The following TPD52L1 variants were observed in gnomAD, a reference collection of about 807,000 sequenced individuals.
TPD52L1 encodes TPD52 like 1, also known as tumor protein D53.
Under a neutral mutation model 28.7 loss-of-function variants are expected in TPD52L1, and 18 were observed. The ratio of observed to expected loss-of-function variants is 0.63; its 90% CI spans 0.43 to 0.93. TPD52L1 has a LOEUF of 0.93. Ranked by LOEUF, TPD52L1 falls within the 40% of genes least tolerant of loss-of-function variation. The probability of loss-of-function intolerance (pLI) is 0.00; values close to 1 mark genes in which losing one functional copy is unlikely to be tolerated. For missense variants in TPD52L1, 203 were observed against 254.8 expected (o/e 0.80, Z 1.39); for synonymous variants, 75 against 88.8 (o/e 0.84, Z 0.88).
At chr6:125,247,010 C>A (rs886370132) in intron 3 of TPD52L1, among the ~76,000 whole-genome samples, 1 of 151,862 alleles carries the variant, frequency 6.6e-6, no homozygotes, top group Non-Finnish European at 1.5e-5. Flanking sequence ...AAAAAGAATA[C>A]CACATTAATA....
chr6:125,168,943 A>G (rs1791095690), intron 1 of TPD52L1, among the ~76,000 whole-genome samples: 1 of 152,168 alleles, frequency 6.6e-6, no homozygotes, highest in Non-Finnish European at 1.5e-5. Flanking sequence ...TTAGAGTTGG[A>G]AAAAGAGAAA....
At chr6:125,161,917 C>T (rs1790544733) in intron 1 of TPD52L1, among the ~76,000 whole-genome samples, 1 of 152,116 alleles carries the variant, frequency 6.6e-6, no homozygotes, top group Admixed American at 6.6e-5. Context: ...TTGCCACAAA[C>T]CTTCAATTTG....
chr6:125,155,121 T>C (rs1396906890), intron 1 of TPD52L1, among the ~76,000 whole-genome samples: 1 of 152,188 alleles, frequency 6.6e-6, no homozygotes, highest in Non-Finnish European at 1.5e-5. Context: ...CCCGTAAAGC[T>C]GCCGCTTCCC....
At chr6:125,184,854 G>GA (rs1334850978) in intron 1 of TPD52L1, among the ~76,000 whole-genome samples, 5 of 151,278 alleles carry the variant, frequency 3.3e-5, no homozygotes, top group South Asian at 2.1e-4. Flanking sequence ...AAAAAAAAAT[G>GA]AAAAAAAATC....
chr6:125,178,745 G>A (rs1302357967), intron 1 of TPD52L1, among the ~76,000 whole-genome samples: 1 of 152,102 alleles, frequency 6.6e-6, no homozygotes, highest in Non-Finnish European at 1.5e-5. Flanking sequence ...TGGAATGGTG[G>A]TTGCAGATGA....
chr6:125,260,591 G>A (rs895622307), intron 6 of TPD52L1, among the ~76,000 whole-genome samples: 7 of 152,062 alleles, frequency 4.6e-5, no homozygotes, highest in Admixed American at 2.6e-4. Flanking sequence ...GATCACTAGA[G>A]GTCAAGAGTT....
intron 1 of TPD52L1, among the ~76,000 whole-genome samples, chr6:125,156,192 A>C (rs1790102922): frequency 6.6e-6 from 1 of 152,192 alleles, no homozygotes; most frequent in African/African-American, 2.4e-5. Flanking sequence ...GGCCAGGTGC[A>C]GTGGCTTACA....
At chr6:125,252,171 C>A in intron 4 of TPD52L1, 1 of 967,160 alleles carries the variant, frequency 1.0e-6, no homozygotes, top group Non-Finnish European at 1.5e-6. Context: ...GTTCCCGTGA[C>A]CAGGAAGATA....
chr6:125,170,664 C>A (rs2114775127), intron 1 of TPD52L1, among the ~76,000 whole-genome samples: 1 of 152,226 alleles, frequency 6.6e-6, no homozygotes, highest in African/African-American at 2.4e-5. Context: ...TGTCTTTTGT[C>A]TATGACCCAG....
chr6:125,225,400 C>T (rs1039231337), intron 2 of TPD52L1, among the ~76,000 whole-genome samples: 4 of 152,134 alleles, frequency 2.6e-5, no homozygotes, highest in African/African-American at 9.7e-5. Flanking sequence ...GAAATTAATT[C>T]TGTGTTTAAC....
intron 3 of TPD52L1, among the ~76,000 whole-genome samples, chr6:125,237,249 G>T (rs769662449): frequency 6.6e-6 from 1 of 152,158 alleles, no homozygotes; most frequent in Non-Finnish European, 1.5e-5. Context: ...GGTCCCTCTG[G>T]CTGCGGTGTT....
intron 1 of TPD52L1, among the ~76,000 whole-genome samples, chr6:125,197,938 C>T (rs1157809907): frequency 6.6e-6 from 1 of 152,116 alleles, no homozygotes; most frequent in East Asian, 1.9e-4. Context: ...GTGAGGCAGG[C>T]CAAGGGATCG....
intron 1 of TPD52L1, among the ~76,000 whole-genome samples, chr6:125,172,544 ATATATAT>A (rs1791534626): frequency 1.0e-5 from 1 of 97,200 alleles, no homozygotes; most frequent in African/African-American, 4.5e-5. Context: ...ATATATATAT[ATATATAT>A]AATATATATA....
intron 1 of TPD52L1, among the ~76,000 whole-genome samples, chr6:125,174,317 TTAGG>T (rs1355068879): frequency 9.2e-5 from 14 of 152,186 alleles, no homozygotes; most frequent in Admixed American, 9.2e-4. Flanking sequence ...GTTATAGCAG[TTAGG>T]TGTCAAGTAA....
At chr6:125,229,799 G>A (rs1795834758) in intron 3 of TPD52L1, among the ~76,000 whole-genome samples, 1 of 152,150 alleles carries the variant, frequency 6.6e-6, no homozygotes, top group Non-Finnish European at 1.5e-5. Flanking sequence ...ACCAGTTTTA[G>A]AGCTTGGTTT....
chr6:125,233,576 G>A (rs1436789732), intron 3 of TPD52L1, among the ~76,000 whole-genome samples: 3 of 152,136 alleles, frequency 2.0e-5, no homozygotes, highest in Non-Finnish European at 4.4e-5. Context: ...GTAAATTTAT[G>A]TTCTGATAAC....
At chr6:125,157,548 C>T (rs1269758995) in intron 1 of TPD52L1, among the ~76,000 whole-genome samples, 1 of 151,954 alleles carries the variant, frequency 6.6e-6, no homozygotes, top group African/African-American at 2.4e-5. Context: ...TCCTCTGGTA[C>T]CAGATAATTT....
At chr6:125,188,138 T>C (rs1427584579) in intron 1 of TPD52L1, among the ~76,000 whole-genome samples, 2 of 152,210 alleles carry the variant, frequency 1.3e-5, no homozygotes, top group African/African-American at 4.8e-5. Flanking sequence ...CGCCAAAGCC[T>C]TCAGCTTCTT....
rs182803903 is a variant in TPD52L1 at position 125,175,178 on chromosome 6, C to T, written c.19+21208C>T. On this transcript the variant is annotated intron_variant, in intron 1 of 6. Transcript: ENST00000534000. The stretch of plus-strand genomic sequence containing the variant: ...GGGCTTTGATTGTTTTCTTTATTGC[C>T]GTATCCCCATATCTAAAACAATGAC... Among the ~76,000 whole-genome samples the T allele has an allele frequency of 4.9e-4, 74 of 152,000 alleles. 1 individual carries two copies. Among genetic ancestry groups the T allele is most frequent in the Non-Finnish European group, 7.4e-5 (5 of 67,988 alleles).
Sources: allele counts gnomAD v4.1 joint callset (sites outside exome capture counted in the v4.1 genomes callset), GRCh38; gene constraint gnomAD v4.1.1; transcripts MANE v1.5; gene names NCBI Gene and HGNC (gene_info 2026-07-23, HGNC 2026-07-21).